The following KMT2E variants were observed in gnomAD, a reference collection of about 807,000 sequenced individuals.
KMT2E encodes histone reader KMT2E.
In KMT2E, 30 loss-of-function variants were observed where a neutral mutation model predicts 184.6. The observed-to-expected ratio is 0.16, with a 90% CI of 0.12 to 0.22. The LOEUF (loss-of-function observed/expected upper bound fraction) is 0.22. Among genes scored for constraint, KMT2E ranks in the 10% least tolerant of loss-of-function variants. KMT2E has a pLI of 1.00. For synonymous variants in KMT2E, 815 were observed against 776.5 expected (o/e 1.05, Z -0.82); for missense variants, 2,023 against 2,237.4 (o/e 0.90, Z 1.93).
At chr7:105,048,570 T>TA (rs5886343) in intron 3 of KMT2E, among the ~76,000 whole-genome samples, 37 of 152,154 alleles carry the variant, frequency 2.4e-4, no homozygotes, top group South Asian at 2.1e-3. Context: ...TCCTGATTGT[T>TA]AAAAAAATAC....
intron 3 of KMT2E, among the ~76,000 whole-genome samples, chr7:105,061,454 TC>T (rs1435469387): frequency 1.3e-5 from 2 of 152,140 alleles, no homozygotes; most frequent in Non-Finnish European, 2.9e-5. Flanking sequence ...ACCTTGTTGA[TC>T]AATAGGAATT....
intron 1 of KMT2E, among the ~76,000 whole-genome samples, chr7:105,016,617 T>G (rs1794725736): frequency 6.6e-6 from 1 of 152,212 alleles, no homozygotes; most frequent in African/African-American, 2.4e-5. Context: ...AGAATTCACT[T>G]TCGTAGTGGG....
In KMT2E at chr7:105,047,631, ACTT is replaced by A. The variant is rs562262739; in HGVS notation, c.71+6614_71+6616del. ...TTTTTATACTGTGAGTCCAATGTTA[ACTT>A]CTTCTCAAAGATGTGAAAACAAAGT... On this transcript the variant is annotated intron_variant, in intron 3 of 26. Coordinates refer to ENST00000311117, the MANE Select transcript of KMT2E (RefSeq NM_182931.3). Among the ~76,000 whole-genome samples the A allele has an allele frequency of 2.2e-4, 33 of 152,338 alleles. 1 individual carries two copies. The highest frequency in any genetic ancestry group is 7.2e-4 in the African/African-American group (30 of 41,568).
intron 1 of KMT2E, among the ~76,000 whole-genome samples, chr7:105,017,584 A>G (rs1026806728): frequency 9.3e-5 from 14 of 150,676 alleles, no homozygotes; most frequent in Admixed American, 6.6e-4. Flanking sequence ...TTAAGTTAGG[A>G]TTGTCTAGGC....
At chr7:105,029,579 G>A (rs563613346) in intron 1 of KMT2E, among the ~76,000 whole-genome samples, 2 of 152,238 alleles carry the variant, frequency 1.3e-5, no homozygotes, top group South Asian at 2.1e-4. Flanking sequence ...GGGCCATGGC[G>A]GCTGAGGGAG....
chr7:105,087,586 G>T (rs1259082204), intron 13 of KMT2E, among the ~76,000 whole-genome samples: 1 of 151,522 alleles, frequency 6.6e-6, no homozygotes, highest in Admixed American at 6.6e-5. Context: ...GCCACGCCTA[G>T]CTAATTTTTT....
chr7:105,014,923 C>T (rs991911671), intron 1 of KMT2E, among the ~76,000 whole-genome samples: 3 of 152,132 alleles, frequency 2.0e-5, no homozygotes, highest in Non-Finnish European at 4.4e-5. Context: ...GCTCCCTTTT[C>T]TCAACCGCGT....
At chr7:105,084,017 G>T (rs181494774) in intron 13 of KMT2E, among the ~76,000 whole-genome samples, 1 of 152,018 alleles carries the variant, frequency 6.6e-6, no homozygotes, top group Non-Finnish European at 1.5e-5. Flanking sequence ...TATATAGCAC[G>T]CATGCACCCA....
intron 5 of KMT2E, among the ~76,000 whole-genome samples, chr7:105,064,371 C>T (rs998475016): frequency 1.3e-5 from 2 of 151,282 alleles, no homozygotes; most frequent in African/African-American, 2.4e-5. Flanking sequence ...TATGGTGTTG[C>T]TTAATTATTT....
chr7:105,034,334 A>G (rs1415522776), intron 1 of KMT2E, among the ~76,000 whole-genome samples: 1 of 152,114 alleles, frequency 6.6e-6, no homozygotes, highest in Non-Finnish European at 1.5e-5. Flanking sequence ...CTAGGCTCAG[A>G]CGATCCTCCT....
At chr7:105,072,491 G>T (rs1371863542) in intron 6 of KMT2E, among the ~76,000 whole-genome samples, 1 of 152,096 alleles carries the variant, frequency 6.6e-6, no homozygotes, top group East Asian at 1.9e-4. Context: ...ATAATCTAGA[G>T]CTCTTATTTT....
At chr7:105,071,045 G>T (rs374805614) in intron 6 of KMT2E, among the ~76,000 whole-genome samples, 1 of 152,044 alleles carries the variant, frequency 6.6e-6, no homozygotes, top group East Asian at 1.9e-4. Flanking sequence ...ATGTAGATAT[G>T]TATCTATATA....
At chr7:105,044,193 T>A (rs1584719557) in intron 3 of KMT2E, among the ~76,000 whole-genome samples, 1 of 152,344 alleles carries the variant, frequency 6.6e-6, no homozygotes, top group African/African-American at 2.4e-5. Flanking sequence ...GTGGTATAAA[T>A]TTAGGACTAC....
In KMT2E at chr7:105,113,948, T is replaced by A. The variant is rs764620545; in HGVS notation, c.*615T>A. On this transcript the variant is annotated 3_prime_UTR_variant, in exon 27 of 27. Transcript: ENST00000311117. Reference sequence around the variant, plus strand: ...AGCATTGTACATATGACAAGTCTTTTGCAAAACTGTGTGATCTTTGTGAAA... The same window carrying A: ...AGCATTGTACATATGACAAGTCTTTAGCAAAACTGTGTGATCTTTGTGAAA... 2 of 153,420 alleles carry A rather than the reference T, an allele frequency of 1.3e-5. No homozygotes were observed. The highest frequency in any genetic ancestry group is 4.8e-5 in the African/African-American group (2 of 41,512). The allele number at this position is 153,420 out of a possible 1,614,324, so 9.5% of individuals were successfully genotyped here.
At chr7:105,073,972 AAT>A (rs1432178545) in intron 7 of KMT2E, among the ~76,000 whole-genome samples, 4 of 152,346 alleles carry the variant, frequency 2.6e-5, no homozygotes, top group African/African-American at 9.6e-5. Context: ...AAAAAAGTAA[AAT>A]ATGTTTGTTC....
At position 105,054,446 on chromosome 7, in the gene KMT2E, C is replaced by G. The variant is rs537092399; in HGVS notation, c.72-7718C>G. Among the ~76,000 whole-genome samples the G allele has an allele frequency of 1.6e-3, 174 of 107,590 alleles. 1 individual carries two copies. Among genetic ancestry groups the G allele is most frequent in the Non-Finnish European group, 2.7e-3 (143 of 52,172 alleles). The allele number at this position is 107,590 out of a possible 152,430, so 70.6% of individuals were successfully genotyped here. On this transcript the variant is annotated intron_variant, in intron 3 of 26. Transcript: ENST00000311117. ...AATTATTTGTTGTAAAAGCAAGTTG[C>G]TCTGTCTGTCTGTCTATCTATCTAT... is the stretch of plus-strand genomic sequence containing the variant.
rs761905988 is a variant in KMT2E at position 105,105,970 on chromosome 7, C to T, written c.2563C>T (p.Pro855Ser). 4.3e-6 allele frequency: 7 copies of T among 1,612,448 alleles called. No homozygotes were observed. The highest frequency in any genetic ancestry group is 5.9e-6 in the Non-Finnish European group (7 of 1,179,524). The change falls in exon 19 of 27, where the codon CCA (proline) becomes TCA (serine). Residue 855 changes from proline (P) to serine (S), a missense_variant. By Grantham distance (74) the Pro-to-Ser change is moderately conservative. Around this residue, in one of 8 missense-constraint regions of KMT2E, gnomAD observed 514 missense variants for 621.8 expected, o/e 0.83. Coordinates refer to ENST00000311117, the MANE Select transcript of KMT2E (RefSeq NM_182931.3). ...SPAVNGENKS[P>S]LLLNDSCSLP... is the part of the protein sequence containing the mutation. ...TGCAGTCAATGGTGAAAATAAAAGT[C>T]CACTACTATTAAATGACAGCTGTTC...
chr7:105,045,775 G>A (rs769297782), intron 3 of KMT2E, among the ~76,000 whole-genome samples: 1 of 152,142 alleles, frequency 6.6e-6, no homozygotes, highest in Non-Finnish European at 1.5e-5. Flanking sequence ...GTATCTGTTT[G>A]ACTCCCTGTT....
chr7:105,062,400 A>T (rs1258845310), intron 4 of KMT2E, 122 bp downstream of exon 4: 5 of 551,380 alleles, frequency 9.1e-6, no homozygotes, highest in Non-Finnish European at 1.6e-5. Flanking sequence ...CTATCAAAAT[A>T]ATTAGGCGTT....
Sources: allele counts gnomAD v4.1 joint callset (sites outside exome capture counted in the v4.1 genomes callset), GRCh38; gene constraint gnomAD v4.1.1; regional missense constraint gnomAD v4.1.1; transcripts MANE v1.5; gene names NCBI Gene and HGNC (gene_info 2026-07-23, HGNC 2026-07-21).